Variants in PPP2R2B observed in about 807,000 individuals in gnomAD.
PPP2R2B encodes the protein serine/threonine-protein phosphatase 2A 55 kDa regulatory subunit B beta isoform.
A neutral mutation model predicts 46.0 loss-of-function variants in PPP2R2B; 5 were observed. The observed-to-expected ratio is 0.11, with a 90% confidence interval of 0.06 to 0.23. The LOEUF is 0.23. Ranked by LOEUF, PPP2R2B falls within the 10% of genes least tolerant of loss-of-function variation. The pLI is 1.00. For missense variants in PPP2R2B, 367 were observed against 575.0 expected, an observed-to-expected ratio of 0.64 and a Z score of 3.70; for synonymous variants, 215 against 206.7, an observed-to-expected ratio of 1.04 and a Z score of -0.34.
At chr5:146,764,285 C>A (rs1267818126) in intron 2 of PPP2R2B, among the ~76,000 whole-genome samples, 1 of 152,054 alleles carries the variant, frequency 6.6e-6, no homozygotes, top group Non-Finnish European at 1.5e-5. Flanking sequence ...AGGAATTTAC[C>A]CTGAGAAGCC....
chr5:146,829,527 T>C (rs1417435515), intron 2 of PPP2R2B, among the ~76,000 whole-genome samples: 2 of 152,136 alleles, frequency 1.3e-5, no homozygotes, highest in African/African-American at 4.8e-5. Context: ...ACAGATAAGG[T>C]GGGGCTGTGA....
At chr5:147,012,321 T>G (rs1018765508) in intron 1 of PPP2R2B, among the ~76,000 whole-genome samples, 2 of 152,152 alleles carry the variant, frequency 1.3e-5, no homozygotes, top group African/African-American at 4.8e-5. Context: ...ATGTATGTGT[T>G]GAGGAATTTA....
chr5:146,798,874 A>T (rs1256204597), intron 2 of PPP2R2B, among the ~76,000 whole-genome samples: 1 of 152,152 alleles, frequency 6.6e-6, no homozygotes, highest in Non-Finnish European at 1.5e-5. Flanking sequence ...TGACCTCAGA[A>T]TTTGCTATCT....
chr5:146,924,806 T>C (rs566289526), intron 1 of PPP2R2B, among the ~76,000 whole-genome samples: 86 of 152,302 alleles, frequency 5.6e-4, no homozygotes, highest in African/African-American at 1.4e-3. Flanking sequence ...GCAAAAAGAA[T>C]GTGTTAGTTT....
At chr5:146,761,773 T>G (rs184704947) in intron 2 of PPP2R2B, among the ~76,000 whole-genome samples, 409 of 152,268 alleles carry the variant, frequency 2.7e-3, no homozygotes, top group African/African-American at 9.3e-3. Context: ...AATTACAGTA[T>G]GAGGAGATGT....
intron 2 of PPP2R2B, among the ~76,000 whole-genome samples, chr5:146,846,336 G>A (rs751763713): frequency 4.6e-5 from 7 of 151,402 alleles, no homozygotes; most frequent in Middle Eastern, 3.5e-3. Flanking sequence ...CCAAGATTGC[G>A]CCACCACACT....
intron 1 of PPP2R2B, among the ~76,000 whole-genome samples, chr5:146,938,314 C>T: frequency 6.6e-6 from 1 of 152,104 alleles, no homozygotes; most frequent in East Asian, 1.9e-4. Flanking sequence ...ATGATATTAA[C>T]TCCCACCCCA....
chr5:146,654,277 G>A (rs1776177430), intron 5 of PPP2R2B, among the ~76,000 whole-genome samples: 1 of 152,180 alleles, frequency 6.6e-6, no homozygotes, highest in South Asian at 2.1e-4. Flanking sequence ...GAGGTGGGGG[G>A]AGGTGGAGTA....
At chr5:146,719,722 C>G (rs1299461118) in intron 2 of PPP2R2B, among the ~76,000 whole-genome samples, 1 of 150,762 alleles carries the variant, frequency 6.6e-6, no homozygotes, top group Admixed American at 6.6e-5. Flanking sequence ...ATCTGACAAG[C>G]AGATTTATTT....
intron 1 of PPP2R2B, among the ~76,000 whole-genome samples, chr5:147,052,869 A>G (rs1425033897): frequency 1.3e-5 from 2 of 152,142 alleles, no homozygotes; most frequent in African/African-American, 2.4e-5. Context: ...CTAATGTATG[A>G]AAAAGCAGGC....
intron 5 of PPP2R2B, among the ~76,000 whole-genome samples, chr5:146,686,349 G>C (rs1319938835): frequency 1.3e-5 from 2 of 152,156 alleles, no homozygotes; most frequent in African/African-American, 2.4e-5. Flanking sequence ...GAATGAATGG[G>C]AAATGTGGGT....
At chr5:147,070,789 T>C (rs1757566971) in intron 2 of PPP2R2B, among the ~76,000 whole-genome samples, 1 of 152,196 alleles carries the variant, frequency 6.6e-6, no homozygotes, top group Non-Finnish European at 1.5e-5. Context: ...CGAGATTTTG[T>C]TGTGGCATCC....
At chr5:146,775,867 C>T (rs985939199) in intron 2 of PPP2R2B, among the ~76,000 whole-genome samples, 3 of 152,002 alleles carry the variant, frequency 2.0e-5, no homozygotes, top group East Asian at 1.9e-4. Flanking sequence ...TTTATAAAAA[C>T]GCTGTTTACA....
chr5:146,628,532 A>T (rs1307705084), intron 7 of PPP2R2B, among the ~76,000 whole-genome samples: 1 of 152,094 alleles, frequency 6.6e-6, no homozygotes, highest in Non-Finnish European at 1.5e-5. Context: ...GGCCCTCAAG[A>T]CCTTCTCTGG....
chr5:146,941,261 C>G (rs1429377255), intron 1 of PPP2R2B, among the ~76,000 whole-genome samples: 2 of 152,182 alleles, frequency 1.3e-5, no homozygotes, highest in Non-Finnish European at 2.9e-5. Context: ...TGCATTCTGG[C>G]TAACTGCTAT....
chr5:146,884,465 C>A (rs1276743489), intron 1 of PPP2R2B, among the ~76,000 whole-genome samples: 1 of 152,096 alleles, frequency 6.6e-6, no homozygotes, highest in East Asian at 1.9e-4. Flanking sequence ...TCGGTCATGC[C>A]CACTCTCAAG....
intron 5 of PPP2R2B, among the ~76,000 whole-genome samples, chr5:146,653,869 G>A (rs950609947): frequency 2.6e-5 from 4 of 152,054 alleles, no homozygotes; most frequent in South Asian, 2.1e-4. Context: ...GCTGAATGCC[G>A]CTCGTGGTAT....
chr5:146,787,595 T>G (rs1755923045), intron 2 of PPP2R2B, among the ~76,000 whole-genome samples: 1 of 151,800 alleles, frequency 6.6e-6, no homozygotes, highest in Non-Finnish European at 1.5e-5. Flanking sequence ...TGAGATGGAG[T>G]CTCACTGTGT....
chr5:147,020,012 T>A (rs1755188389), intron 1 of PPP2R2B, among the ~76,000 whole-genome samples: 1 of 152,156 alleles, frequency 6.6e-6, no homozygotes, highest in South Asian at 2.1e-4. Context: ...GCCTCCCTAT[T>A]AACCTGGCCT....
Sources: allele counts gnomAD v4.1 joint callset (sites outside exome capture counted in the v4.1 genomes callset), GRCh38; gene constraint gnomAD v4.1.1; transcripts MANE v1.5; gene names NCBI Gene and HGNC (gene_info 2026-07-23, HGNC 2026-07-21).